Variants in PABPC4L observed in about 807,000 individuals in gnomAD.
PABPC4L encodes the protein poly(A) binding protein cytoplasmic 4 like, also known as polyadenylate-binding protein 4-like.
For synonymous variants in PABPC4L, 169 were observed against 164.1 expected, an observed-to-expected ratio of 1.03 and a Z score of -0.23; for missense variants, 452 against 451.4, an observed-to-expected ratio of 1.00 and a Z score of -0.01.
chr4:134,059,390 A>T, the PABPC4L span, among the ~76,000 whole-genome samples: 3 of 149,128 alleles, frequency 2.0e-5, no homozygotes, highest in African/African-American at 7.3e-5. Context: ...AACAAACTAT[A>T]TATATATATA....
At chr4:134,136,100 A>T in the PABPC4L span, among the ~76,000 whole-genome samples, 1 of 152,142 alleles carries the variant, frequency 6.6e-6, no homozygotes, top group Non-Finnish European at 1.5e-5. Context: ...GCAGAGAAAT[A>T]GTATAGATTC....
chr4:134,067,330 T>C, the PABPC4L span, among the ~76,000 whole-genome samples: 3 of 152,170 alleles, frequency 2.0e-5, no homozygotes, highest in Admixed American at 6.5e-5. Context: ...GAGATGTTCA[T>C]AATTGTCTCA....
At chr4:134,032,524 T>C in the PABPC4L span, among the ~76,000 whole-genome samples, 1 of 151,896 alleles carries the variant, frequency 6.6e-6, no homozygotes, top group Non-Finnish European at 1.5e-5. Context: ...CTGTTAGATT[T>C]GTTTGCAAAA....
At chr4:134,085,025 G>A in the PABPC4L span, among the ~76,000 whole-genome samples, 2 of 152,086 alleles carry the variant, frequency 1.3e-5, no homozygotes, top group East Asian at 3.9e-4. Context: ...GAACAGCAGA[G>A]GCCAGGCTCC....
the PABPC4L span, among the ~76,000 whole-genome samples, chr4:134,128,793 A>G: frequency 6.6e-6 from 1 of 152,188 alleles, no homozygotes; most frequent in Admixed American, 6.5e-5. Flanking sequence ...GGCAACAAAT[A>G]ACATGAGGAA....
the PABPC4L span, among the ~76,000 whole-genome samples, chr4:134,188,252 G>GCA: frequency 1.3e-5 from 2 of 152,100 alleles, no homozygotes; most frequent in African/African-American, 2.4e-5. Flanking sequence ...CATGAAGTGG[G>GCA]TAATATCCAT....
At chr4:134,165,885 G>A in the PABPC4L span, among the ~76,000 whole-genome samples, 1 of 152,092 alleles carries the variant, frequency 6.6e-6, no homozygotes, top group Non-Finnish European at 1.5e-5. Flanking sequence ...CAACATAAGT[G>A]CCCATCAACT....
the PABPC4L span, among the ~76,000 whole-genome samples, chr4:134,160,437 G>A: frequency 2.6e-5 from 4 of 152,284 alleles, no homozygotes; most frequent in Admixed American, 2.6e-4. Flanking sequence ...TGAAAGAGCT[G>A]CAGTGACCAC....
At chr4:134,081,332 G>T in the PABPC4L span, among the ~76,000 whole-genome samples, 1 of 152,150 alleles carries the variant, frequency 6.6e-6, no homozygotes, top group Non-Finnish European at 1.5e-5. Flanking sequence ...AATTAGCCAA[G>T]ATGGGGCTAG....
chr4:134,111,237 G>T, the PABPC4L span, among the ~76,000 whole-genome samples: 1 of 151,944 alleles, frequency 6.6e-6, no homozygotes, highest in African/African-American at 2.4e-5. Flanking sequence ...TCTTATAAGG[G>T]CATCTAATTT....
In PABPC4L at chr4:134,200,275, C is replaced by G; in HGVS notation, c.745G>C (p.Glu249Gln). 1 of 1,564,488 alleles carries G rather than the reference C, an allele frequency of 6.4e-7. No homozygotes were observed. Among genetic ancestry groups the G allele is most frequent in the South Asian group, 1.2e-5 (1 of 84,964 alleles). Reference protein sequence around the residue: ...SHEAAKKAVEEMNGRDINGQL... With the variant: ...SHEAAKKAVEQMNGRDINGQL... ...CCATTTATGTCCCTTCCATTCATTT[C>G]TTCAACAGCTTTCTTGGCAGCCTCA... The change falls in exon 2 of 2, where the codon GAA becomes CAA. Residue 249 changes from glutamate to glutamine, a missense_variant. Glu to Gln is a conservative substitution (Grantham distance 29, BLOSUM62 2). Coordinates refer to ENST00000421491, the MANE Select transcript of PABPC4L (RefSeq NM_001114734.2).
the PABPC4L span, among the ~76,000 whole-genome samples, chr4:134,041,109 C>T: frequency 6.6e-5 from 10 of 152,094 alleles, no homozygotes; most frequent in African/African-American, 2.4e-4. Context: ...AATGGGAACA[C>T]TTTTACACTG....
chr4:133,960,978 A>G, the PABPC4L span, among the ~76,000 whole-genome samples: 16 of 152,156 alleles, frequency 1.1e-4, no homozygotes, highest in South Asian at 3.3e-3. Flanking sequence ...TTCCCTATCC[A>G]TCCTGGTAAC....
At chr4:134,081,115 G>C in the PABPC4L span, among the ~76,000 whole-genome samples, 1 of 152,270 alleles carries the variant, frequency 6.6e-6, no homozygotes, top group African/African-American at 2.4e-5. Context: ...TTACAAGGAA[G>C]ATTTGAAAGT....
the PABPC4L span, among the ~76,000 whole-genome samples, chr4:134,095,199 C>T: frequency 2.0e-5 from 3 of 151,748 alleles, no homozygotes; most frequent in Non-Finnish European, 4.4e-5. Flanking sequence ...TAATATAGAG[C>T]TTGAAAATAT....
the PABPC4L span, among the ~76,000 whole-genome samples, chr4:133,986,923 A>G: frequency 6.6e-6 from 1 of 151,872 alleles, no homozygotes; most frequent in Non-Finnish European, 1.5e-5. Context: ...TTTAGTAGAG[A>G]TGGGGTTTTG....
chr4:134,072,473 T>C, the PABPC4L span, among the ~76,000 whole-genome samples: 1 of 152,208 alleles, frequency 6.6e-6, no homozygotes, highest in Non-Finnish European at 1.5e-5. Context: ...ATTTTAATTT[T>C]GTTTTACTTC....
At chr4:134,148,097 A>G in the PABPC4L span, among the ~76,000 whole-genome samples, 1 of 152,198 alleles carries the variant, frequency 6.6e-6, no homozygotes, top group South Asian at 2.1e-4. Flanking sequence ...CTCACAATGC[A>G]CAGAGAGCAG....
At chr4:133,958,872 G>A in the PABPC4L span, among the ~76,000 whole-genome samples, 1 of 152,140 alleles carries the variant, frequency 6.6e-6, no homozygotes. Flanking sequence ...TGGAGACACA[G>A]CCAAACCATA....
Sources: allele counts gnomAD v4.1 joint callset (sites outside exome capture counted in the v4.1 genomes callset), GRCh38; gene constraint gnomAD v4.1.1; transcripts MANE v1.5; gene names NCBI Gene and HGNC (gene_info 2026-07-23, HGNC 2026-07-21).